The following PCID2 variants were observed in gnomAD, a reference collection of about 807,000 sequenced individuals.
The protein encoded by PCID2 is PCI domain containing 2.
In PCID2, 41 loss-of-function variants were observed where a neutral mutation model predicts 61.3. The ratio of observed to expected loss-of-function variants is 0.67; its 90% confidence interval spans 0.52 to 0.87. The LOEUF is 0.87. Among genes scored for constraint, PCID2 ranks in the 40% least tolerant of loss-of-function variants. PCID2 has a pLI of 0.00. For missense variants in PCID2, 392 were observed against 493.4 expected (o/e 0.79, Z 1.95); for synonymous variants, 187 against 177.8 (o/e 1.05, Z -0.41).
chr13:113,184,241 AAAAAT>A (rs2037899845), intron 9 of PCID2, 100 bp downstream of exon 9: 1 of 1,090,612 alleles, frequency 9.2e-7, no homozygotes, highest in Non-Finnish European at 1.4e-6. Flanking sequence ...GTCCACATTT[AAAAAT>A]AAAATACAGT....
chr13:113,194,283 T>TCCC (rs2038842590), intron 6 of PCID2, among the ~76,000 whole-genome samples: 1 of 152,220 alleles, frequency 6.6e-6, no homozygotes, highest in Non-Finnish European at 1.5e-5. Context: ...TGGATTGGAC[T>TCCC]GTCTTCCCAG....
intron 2 of PCID2, 110 bp downstream of exon 2, chr13:113,200,313 CAAAT>C: frequency 1.5e-6 from 1 of 679,710 alleles, no homozygotes; most frequent in African/African-American, 1.8e-5. Flanking sequence ...TTAAAATTTT[CAAAT>C]AAGAGTGACA....
the PCID2 span, chr13:113,171,857 G>A: frequency 1.9e-6 from 3 of 1,613,700 alleles, no homozygotes; most frequent in South Asian, 3.3e-5. This position sits in a 1 kb window ranked among gnomAD's most constrained non-coding sequence, Gnocchi z 5.1. Context: ...CACGCGGCCT[G>A]TCACACTTGT....
At chr13:113,184,508 T>C in intron 8 of PCID2, 21 bp from the exon 9 acceptor site, 3 of 1,437,520 alleles carry the variant, frequency 2.1e-6, no homozygotes, top group Non-Finnish European at 2.9e-6. Context: ...TAACAATCCA[T>C]TTAAAATATT....
chr13:113,176,497 C>T, downstream of PCID2, among the ~76,000 whole-genome samples: 1 of 152,306 alleles, frequency 6.6e-6, no homozygotes, highest in African/African-American at 2.4e-5. Flanking sequence ...TGTGGTGGCA[C>T]ATGCCTGTCA....
At chr13:113,193,592 T>C (rs1448448935) in intron 6 of PCID2, among the ~76,000 whole-genome samples, 1 of 152,242 alleles carries the variant, frequency 6.6e-6, no homozygotes, top group Admixed American at 6.5e-5. Context: ...TTATGTTACA[T>C]GTAAAAGGTT....
chr13:113,200,160 G>A (rs1377203309), intron 2 of PCID2, among the ~76,000 whole-genome samples: 1 of 152,108 alleles, frequency 6.6e-6, no homozygotes, highest in Non-Finnish European at 1.5e-5. Flanking sequence ...AAGCTCCACC[G>A]CCTCTCCACC....
At chr13:113,190,813 C>T (rs937477197) in intron 7 of PCID2, 59 bp downstream of exon 7, 14 of 944,228 alleles carry the variant, frequency 1.5e-5, no homozygotes, top group East Asian at 5.2e-5. Context: ...AAAGGGTGAA[C>T]GCTGCAATGA....
chr13:113,177,852 A>G lies in PCID2; in HGVS notation c.*346T>C, dbSNP rs1251345775. The stretch of plus-strand genomic sequence containing the variant: ...TATAAATTCAGAATACGCTTTTTAC[A>G]CAAAGAACTACAAAAAGTTACAAAG... On this transcript the variant is annotated 3_prime_UTR_variant, in exon 14 of 14. Coordinates refer to ENST00000337344, the MANE Select transcript of PCID2 (RefSeq NM_001127202.4). 1.7e-5 allele frequency: 3 copies of G among 179,320 alleles called. No individual in the cohort carries two copies. The highest frequency in any genetic ancestry group is 2.4e-5 in the Non-Finnish European group (2 of 83,714). 11.1% of individuals were successfully genotyped at this position (179,320 alleles called of 1,614,324 possible).
intron 7 of PCID2, among the ~76,000 whole-genome samples, chr13:113,189,625 AG>A (rs2038425391): frequency 6.6e-6 from 1 of 152,164 alleles, no homozygotes; most frequent in African/African-American, 2.4e-5. Flanking sequence ...AAGCAGAATC[AG>A]ACGGAAAGTT....
chr13:113,177,892 C>A lies in PCID2; in HGVS notation c.*306G>T, dbSNP rs560918392. 5.3e-4 allele frequency: 114 copies of A among 214,246 alleles called. No individual in the cohort carries two copies. Among genetic ancestry groups the A allele is most frequent in the African/African-American group, 2.4e-3 (105 of 43,716 alleles). 13.3% of individuals were successfully genotyped at this position (214,246 alleles called of 1,614,324 possible). On this transcript the variant is annotated 3_prime_UTR_variant, in exon 14 of 14. Coordinates refer to ENST00000337344, the MANE Select transcript of PCID2 (RefSeq NM_001127202.4). The stretch of plus-strand genomic sequence containing the variant: ...AAGTTACAAAGACAGCCTTCAGGAA[C>A]CACACTTAGGAAAAGTGAGCCGAGC...
At chr13:113,175,864 C>A (rs2037177083), downstream of PCID2, among the ~76,000 whole-genome samples, 1 of 152,274 alleles carries the variant, frequency 6.6e-6, no homozygotes, top group Non-Finnish European at 1.5e-5. Flanking sequence ...CTACTGGGAT[C>A]TGCGCTCCCA....
At chr13:113,201,815 CAA>C (rs34103745) in intron 1 of PCID2, among the ~76,000 whole-genome samples, 2,482 of 59,250 alleles carry the variant, frequency 0.042, 69 homozygotes, top group East Asian at 0.33. Flanking sequence ...GACTCCGTCT[CAA>C]AAAAAAAAAA....
Position 113,195,020 on chromosome 13 carries a change from T to C in PCID2, c.363+51A>G, listed in dbSNP as rs190597921. 2,689 of 1,227,102 alleles carry C rather than the reference T, an allele frequency of 2.2e-3. 11 individuals are homozygous for C. Among genetic ancestry groups the C allele is most frequent in the Non-Finnish European group, 2.8e-3 (2,276 of 826,372 alleles). 76.0% of individuals were successfully genotyped at this position (1,227,102 alleles called of 1,614,324 possible). A position where few individuals can be genotyped will look rare whatever the true frequency, so the allele number is the denominator to read the frequency against. On this transcript the variant is annotated intron_variant, in intron 6 of 13. Transcript: ENST00000337344. ...GAATGACATGAAATTAAACAACAGA[T>C]AGTCACCAAGTTTTAGTTTTAAAAT...
intron 13 of PCID2, among the ~76,000 whole-genome samples, chr13:113,178,676 G>A (rs200970045): frequency 6.6e-6 from 1 of 152,094 alleles, no homozygotes; most frequent in Non-Finnish European, 1.5e-5. Flanking sequence ...CAAATACTAC[G>A]TCCTATCAGT....
intron 9 of PCID2, chr13:113,183,824 G>A (rs551029441): frequency 1.5e-5 from 15 of 985,182 alleles, no homozygotes; most frequent in South Asian, 4.7e-5. Context: ...GTGTGGCAGC[G>A]ACACGCCGTG....
intron 1 of PCID2, among the ~76,000 whole-genome samples, chr13:113,202,101 G>T (rs1225285881): frequency 6.6e-6 from 1 of 152,112 alleles, no homozygotes; most frequent in East Asian, 1.9e-4. Context: ...TTGGTGATGG[G>T]GTAACTTGGG....
At chr13:113,171,519 C>A in the PCID2 span, 1 of 1,596,156 alleles carries the variant, frequency 6.3e-7, no homozygotes, top group South Asian at 1.1e-5. The surrounding 1 kb of genome is among the most constrained non-coding windows in gnomAD (Gnocchi z 5.1). Context: ...ACGTGGCTCC[C>A]TGAGAAGCTC....
intron 1 of PCID2, among the ~76,000 whole-genome samples, chr13:113,204,287 C>G (rs2039640415): frequency 1.3e-5 from 2 of 152,238 alleles, no homozygotes; most frequent in Admixed American, 1.3e-4. Flanking sequence ...GCCTCCAGAG[C>G]TCTCTGCAGA....
Sources: gnomAD v4.1 joint callset for allele counts (sites outside exome capture counted in the v4.1 genomes callset) on GRCh38, gnomAD v4.1.1 for gene constraint, Gnocchi (gnomAD v3.1) non-coding constraint, MANE v1.5 for transcripts, NCBI Gene and HGNC (gene_info 2026-07-23, HGNC 2026-07-21) for gene names.